FAM78B: variants seen among roughly 807,000 people sequenced by gnomAD.
FAM78B encodes protein FAM78B.
FAM78B carries 10 observed loss-of-function variants against 20.0 expected under a neutral mutation model. The observed-to-expected ratio is 0.50, with a 90% CI of 0.31 to 0.85. The LOEUF (loss-of-function observed/expected upper bound fraction) is 0.85. Ranked by LOEUF, FAM78B falls within the 40% of genes least tolerant of loss-of-function variation. The pLI, the probability that FAM78B is intolerant of heterozygous loss-of-function variation, is 0.05. For missense variants in FAM78B, 283 were observed against 345.0 expected (o/e 0.82, Z 1.42); for synonymous variants, 135 against 132.8 (o/e 1.02, Z -0.12).
At chr1:166,103,660 T>G (rs1450805983) in intron 1 of FAM78B, among the ~76,000 whole-genome samples, 1 of 152,200 alleles carries the variant, frequency 6.6e-6, no homozygotes, top group Non-Finnish European at 1.5e-5. Context: ...CAGGACGAAG[T>G]TGAATCTCTG....
At chr1:166,128,704 G>C (rs1654733162) in intron 1 of FAM78B, among the ~76,000 whole-genome samples, 1 of 152,206 alleles carries the variant, frequency 6.6e-6, no homozygotes, top group Non-Finnish European at 1.5e-5. Context: ...CCCACTGGGA[G>C]AGAACATGGC....
intron 1 of FAM78B, among the ~76,000 whole-genome samples, chr1:166,112,042 A>G (rs1248249143): frequency 6.6e-6 from 1 of 152,178 alleles, no homozygotes; most frequent in Non-Finnish European, 1.5e-5. Context: ...TTCCCTGGCT[A>G]TAATTCTGCA....
rs1195512740 is a variant in FAM78B at position 166,070,309 on chromosome 1, T to A, written c.718A>T (p.Asn240Tyr). The change falls in exon 2 of 2, where the codon AAT becomes TAT. Residue 240 changes from asparagine (N) to tyrosine (Y), a missense_variant. Coordinates refer to ENST00000354422, the MANE Select transcript of FAM78B (RefSeq NM_001017961.5). ...CTCCACATGAGGACCTGGGCATCAT[T>A]GGCATTGGGTTTCACTAGTGCATTA... is the stretch of plus-strand genomic sequence containing the variant. ...PPNALVKPNA[N>Y]DAQVLMWRPK... 1 of 1,586,378 alleles carries A rather than the reference T, an allele frequency of 6.3e-7. No homozygotes were observed. Among genetic ancestry groups the A allele is most frequent in the East Asian group, 2.2e-5 (1 of 44,530 alleles).
At chr1:166,162,330 G>A (rs574599199) in intron 1 of FAM78B, among the ~76,000 whole-genome samples, 2 of 152,296 alleles carry the variant, frequency 1.3e-5, no homozygotes, top group African/African-American at 4.8e-5. Context: ...AGCTATGACT[G>A]AGCTATGACT....
At chr1:166,133,735 C>T (rs1325173568) in intron 1 of FAM78B, among the ~76,000 whole-genome samples, 2 of 152,298 alleles carry the variant, frequency 1.3e-5, no homozygotes, top group Non-Finnish European at 1.5e-5. Flanking sequence ...CTTCAGGCTA[C>T]GGCCTTTCTC....
At chr1:166,134,508 T>C (rs930093965) in intron 1 of FAM78B, among the ~76,000 whole-genome samples, 17 of 151,356 alleles carry the variant, frequency 1.1e-4, no homozygotes, top group African/African-American at 3.9e-4. Context: ...CACCAGAACA[T>C]TAAAGTAGTA....
At chr1:166,122,092 G>A (rs1025740255) in intron 1 of FAM78B, among the ~76,000 whole-genome samples, 2 of 152,178 alleles carry the variant, frequency 1.3e-5, no homozygotes, top group Non-Finnish European at 2.9e-5. Flanking sequence ...CAGTAGGTTT[G>A]CTGAAGCACC....
At chr1:166,128,732 C>A (rs1162054135) in intron 1 of FAM78B, among the ~76,000 whole-genome samples, 1 of 152,164 alleles carries the variant, frequency 6.6e-6, no homozygotes, top group Non-Finnish European at 1.5e-5. Flanking sequence ...CTGTGAGAGA[C>A]AGTGGGTGAG....
At chr1:166,059,235 C>T (rs1651476549) in exon 3 of FAM78B, 1 of 152,672 alleles carries the variant, frequency 6.5e-6, no homozygotes, top group South Asian at 2.1e-4. Flanking sequence ...ACTCATGGGA[C>T]CTGCCCCCTC....
intron 1 of FAM78B, among the ~76,000 whole-genome samples, chr1:166,100,478 C>A (rs528600866): frequency 6.6e-6 from 1 of 152,192 alleles, no homozygotes; most frequent in Admixed American, 6.5e-5. Flanking sequence ...CCTGGAAAAT[C>A]GGGTCCCTCC....
Position 166,069,927 on chromosome 1 carries a change from C to CA in FAM78B, c.*313dup. The stretch of plus-strand genomic sequence containing the variant: ...AATTTCGTTTCCATCCCCTGCATCT[C>CA]ACAGGAAAGAAATGGTCAATAGTTC... On this transcript the variant is annotated 3_prime_UTR_variant, in exon 2 of 2. Transcript: ENST00000354422. The CA allele has an allele frequency of 1.9e-6, 2 of 1,026,602 alleles. No individual in the cohort carries two copies. The highest frequency in any genetic ancestry group is 2.4e-6 in the Non-Finnish European group (2 of 847,948). 63.6% of individuals were successfully genotyped at this position (1,026,602 alleles called of 1,614,324 possible). A position where few individuals can be genotyped will look rare whatever the true frequency, so the allele number is the denominator to read the frequency against.
At chr1:166,135,468 C>T (rs1378421773) in intron 1 of FAM78B, among the ~76,000 whole-genome samples, 4 of 152,210 alleles carry the variant, frequency 2.6e-5, no homozygotes, top group Non-Finnish European at 5.9e-5. Context: ...AATCCTTCCA[C>T]ATCAGGATTT....
At chr1:166,109,878 A>ATGTATATATATATATGTATATATG (rs1328174190) in intron 1 of FAM78B, among the ~76,000 whole-genome samples, 1 of 16,464 alleles carries the variant, frequency 6.1e-5, no homozygotes, top group Non-Finnish European at 1.2e-4. Context: ...GTATATATAT[A>ATGTATATATATATATGTATATATG]TATGTATATA....
Position 166,138,359 on chromosome 1 carries a change from A to G in FAM78B, c.263+27627T>C, listed in dbSNP as rs116982648. Among the ~76,000 whole-genome samples, 8 of 152,060 alleles carry G rather than the reference A, an allele frequency of 5.3e-5. No homozygotes were observed. The East Asian group carries it at 1.4e-3, about 26-fold the overall frequency. On this transcript the variant is annotated intron_variant, in intron 1 of 1. Transcript: ENST00000354422. ...CTGTGTTTCTCTTTCTTCATCCTCA[A>G]TATCACAGGGATCTCAAGAAAAAGC...
intron 1 of FAM78B, among the ~76,000 whole-genome samples, chr1:166,109,378 T>C (rs1240156844): frequency 6.6e-6 from 1 of 152,008 alleles, no homozygotes; most frequent in African/African-American, 2.4e-5. Context: ...CAAAAGAGGA[T>C]ATACAAATGG....
At chr1:166,080,850 G>A (rs1652539758) in intron 1 of FAM78B, among the ~76,000 whole-genome samples, 1 of 152,256 alleles carries the variant, frequency 6.6e-6, no homozygotes, top group Non-Finnish European at 1.5e-5. Flanking sequence ...AGTGAAGAGA[G>A]AGGAGGCACG....
At chr1:166,122,314 G>C (rs956485519) in intron 1 of FAM78B, among the ~76,000 whole-genome samples, 1 of 152,092 alleles carries the variant, frequency 6.6e-6, no homozygotes, top group African/African-American at 2.4e-5. Context: ...AGATGAGTAG[G>C]GTTTCTAACA....
chr1:166,069,932 G>GA lies in FAM78B; in HGVS notation c.*308dup. On this transcript the variant is annotated 3_prime_UTR_variant, in exon 2 of 2. Transcript: ENST00000354422. ...CGTTTCCATCCCCTGCATCTCACAG[G>GA]AAAGAAATGGTCAATAGTTCAGATA... 9.6e-7 allele frequency: 1 copy of GA among 1,045,232 alleles called. No individual in the cohort carries two copies. Among genetic ancestry groups the GA allele is most frequent in the Non-Finnish European group, 1.2e-6 (1 of 862,058 alleles). 64.7% of individuals were successfully genotyped at this position (1,045,232 alleles called of 1,614,324 possible).
At chr1:166,110,047 C>G (rs1653989764) in intron 1 of FAM78B, among the ~76,000 whole-genome samples, 1 of 149,942 alleles carries the variant, frequency 6.7e-6, no homozygotes, top group African/African-American at 2.5e-5. Flanking sequence ...TATGTTCTCA[C>G]TGATATGTGG....
Sources: allele counts gnomAD v4.1 joint callset (sites outside exome capture counted in the v4.1 genomes callset), GRCh38; gene constraint gnomAD v4.1.1; transcripts MANE v1.5; gene names NCBI Gene and HGNC (gene_info 2026-07-23, HGNC 2026-07-21).